RGS12: variants seen among roughly 807,000 people sequenced by gnomAD.
RGS12 encodes the protein regulator of G protein signaling 12, also known as regulator of G-protein signaling 12.
Under a neutral mutation model 120.1 loss-of-function variants are expected in RGS12, and 66 were observed. That is an observed-to-expected ratio of 0.55 (90% CI 0.45 to 0.67). The LOEUF is 0.67. Among genes scored for constraint, RGS12 ranks in the 30% least tolerant of loss-of-function variants. The pLI, the probability that RGS12 is intolerant of heterozygous loss-of-function variation, is 0.00. For missense variants in RGS12, 1,859 were observed against 1,957.7 expected, an observed-to-expected ratio of 0.95 and a Z score of 0.95; for synonymous variants, 827 against 804.7, an observed-to-expected ratio of 1.03 and a Z score of -0.47.
Position 3,428,577 on chromosome 4 carries a change from G to A in RGS12, c.3431G>A (p.Gly1144Asp). The change falls in exon 16 of 18, where the codon GGC becomes GAC. Residue 1144 changes from glycine to aspartate, a missense_variant. Gly to Asp is a moderately conservative substitution (Grantham distance 94). This residue lies in a region of RGS12 where 517 missense variants were observed against 488.5 expected (regional missense o/e 1.06). Transcript: ENST00000336727. ...ATGCAGGGAGAGGAAAGAACACTAG[G>A]CAAGTCTAATTCTATTAAAATAAAA... Reference protein sequence around the residue: ...HSATGEERTLGKSNSIKIKGE... With the variant: ...HSATGEERTLDKSNSIKIKGE... 3 of 1,593,028 alleles carry A rather than the reference G, an allele frequency of 1.9e-6. No individual in the cohort carries two copies. The highest frequency in any genetic ancestry group is 4.5e-5 in the East Asian group (2 of 44,766).
intron 4 of RGS12, among the ~76,000 whole-genome samples, chr4:3,397,710 C>G (rs1268461749): frequency 2.0e-5 from 3 of 152,124 alleles, no homozygotes; most frequent in African/African-American, 7.2e-5. Context: ...ATTGTGTAGA[C>G]AGTTGGATAA....
Position 3,317,414 on chromosome 4 carries a change from A to G in RGS12, c.1244A>G (p.Asn415Ser), listed in dbSNP as rs1180636752. ...FLDGDADAHQ[N>S]NSTSSNSDSG... ...GACGGGGACGCCGATGCCCACCAGA[A>G]CAACAGCACCAGCAGCAACAGTGAC... Residue 415 changes from asparagine to serine, a missense_variant, in exon 2 of 18, where the codon AAC (asparagine) becomes AGC (serine). Asn to Ser is a conservative substitution (Grantham distance 46). Transcript: ENST00000336727. 2 of 1,614,074 alleles carry G rather than the reference A, an allele frequency of 1.2e-6. No homozygotes were observed. Among genetic ancestry groups the G allele is most frequent in the South Asian group, 2.2e-5 (2 of 91,088 alleles).
At chr4:3,342,703 C>A in intron 2 of RGS12, 1 of 776,424 alleles carries the variant, frequency 1.3e-6, no homozygotes, top group East Asian at 3.4e-5. Context: ...CAGAGGCACA[C>A]AGTTGGCAGA....
At chr4:3,362,919 G>A (rs1448435050) in intron 3 of RGS12, among the ~76,000 whole-genome samples, 1 of 149,324 alleles carries the variant, frequency 6.7e-6, no homozygotes, top group Non-Finnish European at 1.5e-5. Context: ...GCATGGCAAG[G>A]CCATTTGGAA....
chr4:3,319,445 T>G (rs1330614323), intron 2 of RGS12, among the ~76,000 whole-genome samples: 1 of 152,178 alleles, frequency 6.6e-6, no homozygotes, highest in Admixed American at 6.5e-5. Context: ...TCTTTATTTT[T>G]GGGGACAGGG....
At chr4:3,323,054 G>A (rs1304467047) in intron 2 of RGS12, among the ~76,000 whole-genome samples, 5 of 152,136 alleles carry the variant, frequency 3.3e-5, no homozygotes, top group South Asian at 2.1e-4. Flanking sequence ...TGAAAATCGC[G>A]CTCATAAAAA....
At chr4:3,319,051 G>T (rs1725008732) in intron 2 of RGS12, among the ~76,000 whole-genome samples, 1 of 152,156 alleles carries the variant, frequency 6.6e-6, no homozygotes, top group Admixed American at 6.5e-5. Context: ...AGTAGGAAAG[G>T]CCGTGTTTGA....
At chr4:3,300,621 C>A (rs1723631942) in intron 1 of RGS12, among the ~76,000 whole-genome samples, 1 of 152,206 alleles carries the variant, frequency 6.6e-6, no homozygotes, top group Non-Finnish European at 1.5e-5. Flanking sequence ...AGAGCTGTGA[C>A]CCCTCCGAAG....
chr4:3,287,333 TCAAGGCA>T, the RGS12 span, among the ~76,000 whole-genome samples: 1 of 151,990 alleles, frequency 6.6e-6, no homozygotes, highest in Non-Finnish European at 1.5e-5. Context: ...ATACATTTTC[TCAAGGCA>T]CATCACATGG....
At position 3,430,705 on chromosome 4, in the gene RGS12, C is replaced by A; in HGVS notation, c.3864C>A (p.Thr1288=). Residue 1288 remains threonine, a synonymous_variant, in exon 17 of 18, where the codon ACC becomes ACA. Transcript: ENST00000336727. ...ASSPPGPPGT[T]PPGQKSPSGP... Reference sequence around the variant, plus strand: ...GCCCCCCTGGACCTCCTGGGACGACCCCCCCCGGGCAGAAGTCTCCCAGCG... The same window carrying A: ...GCCCCCCTGGACCTCCTGGGACGACACCCCCCGGGCAGAAGTCTCCCAGCG... 5 of 1,576,860 alleles carry A rather than the reference C, an allele frequency of 3.2e-6. No individual in the cohort carries two copies. The South Asian group carries it at 3.5e-5, about 11-fold the overall frequency.
At chr4:3,331,515 C>T (rs1711840058) in intron 2 of RGS12, among the ~76,000 whole-genome samples, 1 of 152,074 alleles carries the variant, frequency 6.6e-6, no homozygotes, top group Non-Finnish European at 1.5e-5. Flanking sequence ...TAGCCAATGA[C>T]AGGCTCCTTG....
intron 4 of RGS12, among the ~76,000 whole-genome samples, chr4:3,402,450 G>A (rs1201898091): frequency 6.6e-6 from 1 of 152,164 alleles, no homozygotes; most frequent in East Asian, 1.9e-4. Context: ...CAGTCCTGCT[G>A]GGTAGGGTGC....
chr4:3,389,281 T>A lies in RGS12; in HGVS notation c.2020+2844T>A. Among the ~76,000 whole-genome samples, 1 of 152,042 alleles carries A rather than the reference T, an allele frequency of 6.6e-6. No homozygotes were observed. Among genetic ancestry groups the A allele is most frequent in the East Asian group, 1.9e-4 (1 of 5,190 alleles). ...TGCCCTCGGGAAAAAGGGTTACAGC[T>A]GGTCTCTGGGGGGCACGGCAGGGCT... On this transcript the variant is annotated intron_variant, in intron 4 of 17. Coordinates refer to ENST00000336727, the MANE Select transcript of RGS12 (RefSeq NM_001394154.1). The surrounding 1 kb of genome is among the most constrained non-coding windows in gnomAD (Gnocchi z 5.2).
intron 3 of RGS12, among the ~76,000 whole-genome samples, chr4:3,382,598 G>A (rs571011210): frequency 7.9e-4 from 121 of 152,266 alleles, no homozygotes; most frequent in South Asian, 1.7e-3. Flanking sequence ...CTCCACAGTC[G>A]TTTTTGAATC....
At chr4:3,427,238 G>GC (rs1327293923) in intron 14 of RGS12, among the ~76,000 whole-genome samples, 1 of 152,234 alleles carries the variant, frequency 6.6e-6, no homozygotes, top group African/African-American at 2.4e-5. Flanking sequence ...GACCCTCTGT[G>GC]CCCAGGGCCT....
At chr4:3,429,643 A>G (rs1289426824) in intron 16 of RGS12, among the ~76,000 whole-genome samples, 2 of 152,224 alleles carry the variant, frequency 1.3e-5, no homozygotes, top group Non-Finnish European at 2.9e-5. Context: ...GGCCTGCTAC[A>G]CTAGAAAACC....
chr4:3,428,471 C>A, intron 15 of RGS12, 87 bp from the exon 16 acceptor site: 1 of 1,169,108 alleles, frequency 8.6e-7, no homozygotes, highest in Non-Finnish European at 1.2e-6. Flanking sequence ...CAATCTATTT[C>A]ATAGAGCCTT....
In RGS12 at chr4:3,439,627, C is replaced by T. The variant is rs148872141; in HGVS notation, c.4287C>T (p.Pro1429=). ...PPTSDLPGLG[P]VPGEPAKPKT... ...CATCAGACCTCCCTGGCTTGGGCCC[C>T]GTCCCGGGTGAGCCTGCTAAGCCCA... The change falls in exon 18 of 18, where the codon CCC becomes CCT. Residue 1429 remains proline (P), a synonymous_variant. Transcript: ENST00000336727. 1,586 of 1,597,498 alleles carry T rather than the reference C, an allele frequency of 9.9e-4. 2 individuals are homozygous for T. In the Middle Eastern group the frequency reaches 0.011, roughly 11 times the overall value.
chr4:3,287,591 G>A, the RGS12 span, among the ~76,000 whole-genome samples: 1 of 152,250 alleles, frequency 6.6e-6, no homozygotes, highest in African/African-American at 2.4e-5. Context: ...GAAGTTCTGT[G>A]TAGGAATAAT....
Sources: gnomAD v4.1 joint callset for allele counts (sites outside exome capture counted in the v4.1 genomes callset) on GRCh38, gnomAD v4.1.1 for gene constraint, gnomAD v4.1.1 regional missense constraint, Gnocchi (gnomAD v3.1) non-coding constraint, MANE v1.5 for transcripts, NCBI Gene and HGNC (gene_info 2026-07-23, HGNC 2026-07-21) for gene names.